Variants in USP46 observed in about 807,000 individuals in gnomAD.
The protein encoded by USP46 is ubiquitin specific peptidase 46.
USP46 carries 12 observed loss-of-function variants against 44.4 expected under a neutral mutation model. The observed-to-expected ratio is 0.27, with a 90% confidence interval of 0.17 to 0.44. The LOEUF (loss-of-function observed/expected upper bound fraction) is 0.44, where lower values mean the gene tolerates loss of function less well. Ranked by LOEUF, USP46 falls within the 20% of genes least tolerant of loss-of-function variation. The probability of loss-of-function intolerance (pLI) is 1.00; values close to 1 mark genes in which losing one functional copy is unlikely to be tolerated. For synonymous variants in USP46, 155 were observed against 161.5 expected (o/e 0.96, Z 0.31); for missense variants, 248 against 444.8 (o/e 0.56, Z 3.98).
chr4:52,650,564 T>A (rs988117231), intron 1 of USP46, among the ~76,000 whole-genome samples: 13 of 152,340 alleles, frequency 8.5e-5, no homozygotes, highest in African/African-American at 3.1e-4. Flanking sequence ...TACAGTAATA[T>A]GTCTAAAAAT....
At chr4:52,636,028 C>G (rs1656231792) in intron 1 of USP46, among the ~76,000 whole-genome samples, 1 of 152,120 alleles carries the variant, frequency 6.6e-6, no homozygotes, top group African/African-American at 2.4e-5. Flanking sequence ...AATACATGAC[C>G]TGACATGGCA....
intron 5 of USP46, among the ~76,000 whole-genome samples, chr4:52,604,894 G>A (rs556193552): frequency 6.6e-6 from 1 of 151,924 alleles, no homozygotes; most frequent in Non-Finnish European, 1.5e-5. Context: ...TTTCCAACTG[G>A]ATTCAGAAAA....
chr4:52,625,755 T>C (rs1411297431), intron 4 of USP46, among the ~76,000 whole-genome samples: 1 of 149,476 alleles, frequency 6.7e-6, no homozygotes, highest in Non-Finnish European at 1.5e-5. Flanking sequence ...ATTAAATCTG[T>C]AGACCCCAAA....
At chr4:52,650,461 G>A (rs1237763536) in intron 1 of USP46, among the ~76,000 whole-genome samples, 1 of 152,206 alleles carries the variant, frequency 6.6e-6, no homozygotes, top group Non-Finnish European at 1.5e-5. Context: ...CAGGAAAATG[G>A]TTTGCTCTGG....
intron 4 of USP46, among the ~76,000 whole-genome samples, chr4:52,624,651 G>A (rs1054080117): frequency 6.6e-6 from 1 of 152,168 alleles, no homozygotes; most frequent in African/African-American, 2.4e-5. Context: ...GCTCGCAATG[G>A]ACTGAATGTC....
Position 52,632,985 on chromosome 4 carries a change from A to AAAGAAAGAAAGAAAG in USP46, c.37-1842_37-1841insCTTTCTTTCTTTCTT, listed in dbSNP as rs1553891297. On this transcript the variant is annotated intron_variant, in intron 1 of 8. Transcript: ENST00000441222. Reference sequence around the variant, plus strand: ...GAAAGAAAGAAAGAAAGAAAGAAAGAAAAGAAAAGAAAGAAAGAAAGAAAG... The same window carrying AAAGAAAGAAAGAAAG: ...GAAAGAAAGAAAGAAAGAAAGAAAGAAAGAAAGAAAGAAAGAAAGAAAAGAAAGAAAGAAAGAAAG... Among the ~76,000 whole-genome samples the AAAGAAAGAAAGAAAG allele has an allele frequency of 6.1e-3, 325 of 53,004 alleles. 3 individuals carry two copies. The highest frequency in any genetic ancestry group is 0.018 in the Middle Eastern group (2 of 112). 34.8% of individuals were successfully genotyped at this position (53,004 alleles called of 152,430 possible). A position where few individuals can be genotyped will look rare whatever the true frequency, so the allele number is the denominator to read the frequency against.
intron 4 of USP46, among the ~76,000 whole-genome samples, chr4:52,615,177 A>G (rs1040338593): frequency 5.9e-5 from 9 of 152,178 alleles, no homozygotes; most frequent in African/African-American, 1.9e-4. Context: ...AAACCCAACT[A>G]TATCAATAAT....
At chr4:52,637,731 C>T (rs1420241289) in intron 1 of USP46, among the ~76,000 whole-genome samples, 1 of 152,164 alleles carries the variant, frequency 6.6e-6, no homozygotes, top group African/African-American at 2.4e-5. Context: ...CTACCTCTAA[C>T]CCCACTGTCA....
In USP46 at chr4:52,632,952, GAA is replaced by G. The variant is rs1183037765; in HGVS notation, c.37-1810_37-1809del. On this transcript the variant is annotated intron_variant, in intron 1 of 8. Transcript: ENST00000441222. ...AGAAAGAAAGAAAGAAAGAAAGAAA[GAA>G]AGAAAGAAAGAAAGAAAGAAAGAAA... is the stretch of plus-strand genomic sequence containing the variant. Among the ~76,000 whole-genome samples, 582 of 69,884 alleles carry G rather than the reference GAA, an allele frequency of 8.3e-3. 8 individuals are homozygous for G. Among genetic ancestry groups the G allele is most frequent in the African/African-American group, 0.038 (546 of 14,416 alleles). 45.8% of individuals were successfully genotyped at this position (69,884 alleles called of 152,430 possible). A position where few individuals can be genotyped will look rare whatever the true frequency, so the allele number is the denominator to read the frequency against.
chr4:52,597,551 C>A lies in USP46; in HGVS notation c.*89G>T. 1.2e-6 allele frequency: 1 copy of A among 831,412 alleles called. No homozygotes were observed. The highest frequency in any genetic ancestry group is 1.6e-5 in the South Asian group (1 of 63,824). 51.5% of individuals were successfully genotyped at this position (831,412 alleles called of 1,614,324 possible). ...GACTCGGAGTGATACCATTAGTGGG[C>A]CACTGGGGAAGAGGAAAGCCTGCGG... On this transcript the variant is annotated 3_prime_UTR_variant, in exon 9 of 9. Coordinates refer to ENST00000441222, the MANE Select transcript of USP46 (RefSeq NM_022832.4).
At chr4:52,602,412 T>C (rs560274685) in intron 6 of USP46, among the ~76,000 whole-genome samples, 13 of 152,214 alleles carry the variant, frequency 8.5e-5, no homozygotes, top group East Asian at 5.8e-4. Flanking sequence ...GAGAGGAAGG[T>C]TGAGAGCTTT....
rs372910193 is a variant in USP46 at position 52,656,171 on chromosome 4, T to TG, written c.36+2943dup. The stretch of plus-strand genomic sequence containing the variant: ...TTAAACGATGTGCTTAAGAAAAAAA[T>TG]GCAATCACCATTTGCTCTTACTACA... On this transcript the variant is annotated intron_variant, in intron 1 of 8. Coordinates refer to ENST00000441222, the MANE Select transcript of USP46 (RefSeq NM_022832.4). The TG allele has an allele frequency of 2.9e-4, 247 of 862,830 alleles. No homozygotes were observed. In the African/African-American group the frequency reaches 3.9e-3, roughly 14 times the overall value. The allele number at this position is 862,830 out of a possible 1,614,324, so 53.4% of individuals were successfully genotyped here.
chr4:52,620,348 G>T (rs533458666), intron 4 of USP46, among the ~76,000 whole-genome samples: 1 of 152,252 alleles, frequency 6.6e-6, no homozygotes, highest in Non-Finnish European at 1.5e-5. Flanking sequence ...ACAAATGTAG[G>T]AACTGAAGCC....
intron 4 of USP46, among the ~76,000 whole-genome samples, chr4:52,619,229 T>G (rs1050572055): frequency 6.6e-6 from 1 of 151,826 alleles, no homozygotes; most frequent in South Asian, 2.1e-4. Context: ...AGAATGAAAC[T>G]GTCTCCATAA....
chr4:52,608,469 C>A (rs1209246173), intron 5 of USP46, among the ~76,000 whole-genome samples: 1 of 152,264 alleles, frequency 6.6e-6, no homozygotes, highest in Non-Finnish European at 1.5e-5. Context: ...CTGGCACAGC[C>A]AGGCCTTCCC....
chr4:52,656,545 G>A (rs1014540218), intron 1 of USP46: 20 of 1,405,996 alleles, frequency 1.4e-5, no homozygotes, highest in Non-Finnish European at 1.8e-5. Context: ...GGTCTGAAAT[G>A]GCATGATCTC....
chr4:52,656,425 C>T, intron 1 of USP46: 1 of 914,536 alleles, frequency 1.1e-6, no homozygotes, highest in Non-Finnish European at 1.4e-6. Context: ...CTGGGAGGGA[C>T]AGTGGGGGCG....
At chr4:52,650,959 G>C (rs1271557636) in intron 1 of USP46, 1 of 152,020 alleles carries the variant, frequency 6.6e-6, no homozygotes, top group East Asian at 1.9e-4. Flanking sequence ...AGCTGGGCAA[G>C]GGGGCACGTG....
At chr4:52,638,200 AG>A (rs1263384484) in intron 1 of USP46, among the ~76,000 whole-genome samples, 2 of 152,172 alleles carry the variant, frequency 1.3e-5, no homozygotes, top group Non-Finnish European at 2.9e-5. Context: ...ACTTCAAGAG[AG>A]GGAGGCAAGA....
Sources: gnomAD v4.1 joint callset for allele counts (sites outside exome capture counted in the v4.1 genomes callset) on GRCh38, gnomAD v4.1.1 for gene constraint, MANE v1.5 for transcripts, NCBI Gene and HGNC (gene_info 2026-07-23, HGNC 2026-07-21) for gene names.